SVOP: variants seen among roughly 807,000 people sequenced by gnomAD.
SVOP encodes the protein SV2 related protein, also known as synaptic vesicle 2-related protein.
In SVOP, 17 loss-of-function variants were observed where a neutral mutation model predicts 69.1. The observed-to-expected ratio is 0.25, with a 90% CI of 0.17 to 0.37. SVOP has a LOEUF of 0.37. Among genes scored for constraint, SVOP ranks in the 10% least tolerant of loss-of-function variants. The pLI is 1.00. For missense variants in SVOP, 435 were observed against 597.5 expected, an observed-to-expected ratio of 0.73 and a Z score of 2.84; for synonymous variants, 238 against 238.6, an observed-to-expected ratio of 1.00 and a Z score of 0.02.
chr12:109,018,422 T>C (rs974328142), intron 1 of SVOP, among the ~76,000 whole-genome samples: 7 of 152,110 alleles, frequency 4.6e-5, no homozygotes, highest in African/African-American at 1.7e-4. Flanking sequence ...TCCCCAACCA[T>C]GTGAACTACT....
At chr12:108,990,417 C>G (rs147846991) in intron 1 of SVOP, among the ~76,000 whole-genome samples, 134,608 of 151,346 alleles carry the variant, frequency 0.89, 60,964 homozygotes, top group Non-Finnish European at 0.99. Context: ...GGACAAAAAA[C>G]CAAACACCGC....
chr12:109,003,143 T>G (rs977284201), intron 1 of SVOP, among the ~76,000 whole-genome samples: 17 of 152,280 alleles, frequency 1.1e-4, no homozygotes, highest in Middle Eastern at 3.4e-3. Context: ...AGAGGAGTTA[T>G]GCTTAGACAA....
At chr12:109,009,348 C>A (rs1205483252) in intron 1 of SVOP, among the ~76,000 whole-genome samples, 3 of 152,226 alleles carry the variant, frequency 2.0e-5, no homozygotes, top group Middle Eastern at 6.8e-3. Context: ...TTCTTGCCCC[C>A]ATGGAACTTA....
chr12:108,959,159 T>C lies in SVOP; in HGVS notation c.578+1764A>G, dbSNP rs554385718. Among the ~76,000 whole-genome samples the C allele has an allele frequency of 2.4e-4, 37 of 152,192 alleles. No individual in the cohort carries two copies. In the East Asian group the frequency reaches 6.2e-3, roughly 25 times the overall value. On this transcript the variant is annotated intron_variant, in intron 6 of 15. Coordinates refer to ENST00000610966, the MANE Select transcript of SVOP (RefSeq NM_018711.5). ...ACTACAAGGGATCGCCCTGGTCCTCTTGCAAAATTTTCCTAATGATTCCTT... is the reference window on the plus strand; with the variant it reads ...ACTACAAGGGATCGCCCTGGTCCTCCTGCAAAATTTTCCTAATGATTCCTT...
At chr12:108,951,506 C>A (rs2039953413) in intron 6 of SVOP, among the ~76,000 whole-genome samples, 1 of 152,138 alleles carries the variant, frequency 6.6e-6, no homozygotes, top group Non-Finnish European at 1.5e-5. Flanking sequence ...ATTTAATTCC[C>A]TTGCTTGAAT....
intron 15 of SVOP, among the ~76,000 whole-genome samples, chr12:108,914,118 G>C (rs149216747): frequency 6.6e-6 from 1 of 152,210 alleles, no homozygotes; most frequent in Non-Finnish European, 1.5e-5. Flanking sequence ...GGCTAAACAC[G>C]TCTTTAAATT....
At chr12:108,981,537 G>C (rs2040135231) in intron 2 of SVOP, among the ~76,000 whole-genome samples, 1 of 116,050 alleles carries the variant, frequency 8.6e-6, no homozygotes, top group African/African-American at 2.5e-5. Flanking sequence ...CTCAGAGTCA[G>C]AACAAGGTCG....
chr12:108,979,276 G>C lies in SVOP; in HGVS notation c.197-613C>G, dbSNP rs144539512. 4.5e-3 allele frequency among the ~76,000 whole-genome samples: 685 copies of C among 152,262 alleles called. 9 individuals carry two copies. Among genetic ancestry groups the C allele is most frequent in the African/African-American group, 0.016 (655 of 41,554 alleles). On this transcript the variant is annotated intron_variant, in intron 2 of 15. Transcript: ENST00000610966. Reference sequence around the variant, plus strand: ...TTGTTTTGAGACAGTGTCTCGCTCTGTTGCCCAGGCTGGAACTCGGTGGTA... The same window carrying C: ...TTGTTTTGAGACAGTGTCTCGCTCTCTTGCCCAGGCTGGAACTCGGTGGTA...
rs762667689 is a variant in SVOP, at chr12:108,912,716, A to G, written c.1466T>C (p.Leu489Pro). 1 of 1,613,938 alleles carries G rather than the reference A, an allele frequency of 6.2e-7. No individual in the cohort carries two copies. Among genetic ancestry groups the G allele is most frequent in the Non-Finnish European group, 8.5e-7 (1 of 1,179,882 alleles). The change falls in exon 16 of 16, where the codon CTG becomes CCG. Residue 489 changes from leucine to proline, a missense_variant. Physicochemically the swap from Leu to Pro is moderately conservative, Grantham distance 98 (BLOSUM62 -3). Transcript: ENST00000610966. The stretch of plus-strand genomic sequence containing the variant: ...GCAGCCACTGTAAACTGCCAGAGTC[A>G]GGTACACAGAGGATTCCAGCATCAC... ...AQVMLESSVY[L>P]TLAVYSGCCL... is the part of the protein sequence containing the mutation.
chr12:108,959,258 G>C (rs1160143028), intron 6 of SVOP, among the ~76,000 whole-genome samples: 1 of 151,982 alleles, frequency 6.6e-6, no homozygotes, highest in Non-Finnish European at 1.5e-5. Flanking sequence ...AACTCTCAGT[G>C]GCTCCTCATC....
chr12:108,963,040 A>G (rs960834332), intron 5 of SVOP, among the ~76,000 whole-genome samples: 4 of 152,242 alleles, frequency 2.6e-5, no homozygotes, highest in Non-Finnish European at 4.4e-5. Context: ...TAGAGATTGG[A>G]AAAAAAATTA....
At chr12:108,914,331 C>T (rs2039701340) in intron 15 of SVOP, among the ~76,000 whole-genome samples, 1 of 152,044 alleles carries the variant, frequency 6.6e-6, no homozygotes, top group South Asian at 2.1e-4. Context: ...GAATTGTTCC[C>T]TTTAAGATGG....
chr12:108,983,545 G>A (rs970631511), intron 2 of SVOP, 56 bp downstream of exon 2: 2 of 398,574 alleles, frequency 5.0e-6, no homozygotes. Context: ...TTGCCTGCTG[G>A]GTAGGCAACC....
At chr12:108,983,322 T>A (rs2040152305) in intron 2 of SVOP, among the ~76,000 whole-genome samples, 2 of 151,992 alleles carry the variant, frequency 1.3e-5, no homozygotes, top group African/African-American at 4.8e-5. Context: ...ACCACCATCA[T>A]CATCATCATC....
At chr12:109,016,744 CT>C (rs34685990) in intron 1 of SVOP, among the ~76,000 whole-genome samples, 54,699 of 133,188 alleles carry the variant, frequency 0.41, 12,105 homozygotes, top group African/African-American at 0.67. Flanking sequence ...TGCATTAGTT[CT>C]TTTTTTTTTT....
intron 14 of SVOP, 31 bp from the exon 15 acceptor site, chr12:108,915,903 G>C (rs769252076): frequency 3.6e-5 from 55 of 1,543,906 alleles, no homozygotes; most frequent in Non-Finnish European, 4.7e-5. Context: ...ATAGGCATGG[G>C]GACATGCAGG....
In SVOP at chr12:109,020,931, C is replaced by T. The variant is rs1050300732; in HGVS notation, c.-63G>A. The T allele has an allele frequency of 1.4e-6, 1 of 702,278 alleles. No individual in the cohort carries two copies. 43.5% of individuals were successfully genotyped at this position (702,278 alleles called of 1,614,324 possible). A position where few individuals can be genotyped will look rare whatever the true frequency, so the allele number is the denominator to read the frequency against. ...TTACATGGTAGTGGTGGATGACGAG[C>T]CCTCCGGTTTTCAGCACCGGGAAGC... is the stretch of plus-strand genomic sequence containing the variant. On this transcript the variant is annotated 5_prime_UTR_variant, in exon 1 of 16. Coordinates refer to ENST00000610966, the MANE Select transcript of SVOP (RefSeq NM_018711.5).
intron 1 of SVOP, among the ~76,000 whole-genome samples, chr12:108,995,035 C>T (rs2040223771): frequency 6.6e-6 from 1 of 151,886 alleles, no homozygotes; most frequent in South Asian, 2.1e-4. Context: ...GTCCCAGCTA[C>T]TCGGGAGGCT....
At chr12:108,914,396 A>G (rs2039701645) in intron 15 of SVOP, among the ~76,000 whole-genome samples, 2 of 152,338 alleles carry the variant, frequency 1.3e-5, no homozygotes, top group South Asian at 2.1e-4. Flanking sequence ...AACAGAAAAA[A>G]ACCTGGATTT....
Sources: gnomAD v4.1 joint callset for allele counts (sites outside exome capture counted in the v4.1 genomes callset) on GRCh38, gnomAD v4.1.1 for gene constraint, MANE v1.5 for transcripts, NCBI Gene and HGNC (gene_info 2026-07-23, HGNC 2026-07-21) for gene names.